Variants in ZFHX4 observed in about 807,000 individuals in gnomAD.
ZFHX4 encodes zinc finger homeobox protein 4.
In ZFHX4, 56 loss-of-function variants were observed where a neutral mutation model predicts 267.6. The observed-to-expected ratio is 0.21, with a 90% confidence interval of 0.17 to 0.26. The LOEUF (loss-of-function observed/expected upper bound fraction) is 0.26, where lower values mean the gene tolerates loss of function less well. Among genes scored for constraint, ZFHX4 ranks in the 10% least tolerant of loss-of-function variants. ZFHX4 has a pLI of 1.00. For synonymous variants in ZFHX4, 1,778 were observed against 1,665.6 expected (o/e 1.07, Z -1.64); for missense variants, 4,332 against 4,420.0 (o/e 0.98, Z 0.56).
intron 4 of ZFHX4, among the ~76,000 whole-genome samples, chr8:76,814,654 A>G (rs2131850969): frequency 6.6e-6 from 1 of 152,280 alleles, no homozygotes; most frequent in East Asian, 1.9e-4. Context: ...TCTCTTTGGC[A>G]TTACTGTGTT....
At chr8:76,776,746 A>T (rs1271053813) in intron 3 of ZFHX4, among the ~76,000 whole-genome samples, 5 of 152,148 alleles carry the variant, frequency 3.3e-5, no homozygotes, top group African/African-American at 1.2e-4. Context: ...CTTTTACAAA[A>T]ATTTTGAGAA....
At chr8:76,699,022 C>G (rs932117940) in intron 1 of ZFHX4, among the ~76,000 whole-genome samples, 1 of 152,126 alleles carries the variant, frequency 6.6e-6, no homozygotes, top group African/African-American at 2.4e-5. Flanking sequence ...GTATAATTGT[C>G]TGGACATAGA....
rs964344142 is a variant in ZFHX4 at position 76,706,325 on chromosome 8, C to A, written c.2237C>A (p.Pro746His). 6.2e-7 allele frequency: 1 copy of A among 1,614,106 alleles called. No homozygotes were observed. The highest frequency in any genetic ancestry group is 8.5e-7 in the Non-Finnish European group (1 of 1,180,004). Residue 746 changes from proline to histidine, a missense_variant, in exon 2 of 11, where the codon CCC becomes CAC. Pro to His is a moderately conservative substitution (Grantham distance 77, BLOSUM62 -2). Coordinates refer to ENST00000651372, the MANE Select transcript of ZFHX4 (RefSeq NM_024721.5). ...EQVFGHSAPA[P>H]NTSLSGCGTP... ...GTGTTTGGCCACTCTGCCCCAGCCC[C>A]CAACACCAGCCTCAGTGGCTGCGGA...
chr8:76,711,638 G>A (rs547913653), intron 3 of ZFHX4, among the ~76,000 whole-genome samples: 3 of 152,168 alleles, frequency 2.0e-5, no homozygotes, highest in Non-Finnish European at 2.9e-5. Context: ...ATGGATTAAC[G>A]AATCAACTAA....
At chr8:76,733,004 C>T (rs1809063208) in intron 3 of ZFHX4, among the ~76,000 whole-genome samples, 1 of 152,164 alleles carries the variant, frequency 6.6e-6, no homozygotes, top group South Asian at 2.1e-4. Flanking sequence ...GACAGAGACT[C>T]ATCCAGCCTG....
chr8:76,864,229 G>A lies in ZFHX4; in HGVS notation c.10515G>A (p.Ser3505=), dbSNP rs995552891. ...CSPNPNTTST[S]QSAASSNNTY... ...CTAATCCTAACACCACATCTACCTCGCAGTCTGCAGCTTCTTCTAATAACA... is the reference window on the plus strand; with the variant it reads ...CTAATCCTAACACCACATCTACCTCACAGTCTGCAGCTTCTTCTAATAACA... Residue 3505 remains serine (S), a synonymous_variant, in exon 11 of 11, where the codon TCG becomes TCA. Transcript: ENST00000651372. 2.1e-5 allele frequency: 34 copies of A among 1,613,704 alleles called. 1 individual carries two copies. The Admixed American group carries it at 2.5e-4, about 12-fold the overall frequency.
chr8:76,723,823 G>A (rs1808785647), intron 3 of ZFHX4, among the ~76,000 whole-genome samples: 1 of 151,998 alleles, frequency 6.6e-6, no homozygotes, highest in Non-Finnish European at 1.5e-5. Flanking sequence ...AGTACCTTCG[G>A]ATTTGTGTAC....
intron 4 of ZFHX4, among the ~76,000 whole-genome samples, chr8:76,816,421 A>G (rs1811507417): frequency 6.6e-6 from 1 of 152,008 alleles, no homozygotes; most frequent in African/African-American, 2.4e-5. Context: ...TATTACCTGC[A>G]TATCACTTCT....
At chr8:76,756,041 AG>A (rs144904866) in intron 3 of ZFHX4, among the ~76,000 whole-genome samples, 2,579 of 152,242 alleles carry the variant, frequency 0.017, 77 homozygotes, top group African/African-American at 0.057. Context: ...GATGTGTCAA[AG>A]TCAAGTCCTT....
intron 1 of ZFHX4, among the ~76,000 whole-genome samples, chr8:76,682,160 C>T (rs1807551024): frequency 6.6e-6 from 1 of 152,146 alleles, no homozygotes; most frequent in South Asian, 2.1e-4. Flanking sequence ...GTCCTCCGCA[C>T]TCATCCTCTG....
chr8:76,866,833 C>T lies in ZFHX4; in HGVS notation c.*2268C>T, dbSNP rs909503176. 1.3e-5 allele frequency: 2 copies of T among 151,950 alleles called. No homozygotes were observed. The highest frequency in any genetic ancestry group is 2.4e-5 in the African/African-American group (1 of 41,198). The allele number at this position is 151,950 out of a possible 1,614,324, so 9.4% of individuals were successfully genotyped here. On this transcript the variant is annotated 3_prime_UTR_variant, in exon 11 of 11. Coordinates refer to ENST00000651372, the MANE Select transcript of ZFHX4 (RefSeq NM_024721.5). ...AGAAAAAAAACTTTAACTGGATGGA[C>T]GTTGTTAGGGTGAGAAATAAAAGGA...
intron 3 of ZFHX4, among the ~76,000 whole-genome samples, chr8:76,744,228 C>A (rs886696896): frequency 6.6e-6 from 1 of 151,914 alleles, no homozygotes; most frequent in Non-Finnish European, 1.5e-5. Context: ...TGCTTGTAGT[C>A]CCAGCTACTC....
At chr8:76,836,325 A>T (rs1812092158) in intron 5 of ZFHX4, among the ~76,000 whole-genome samples, 4 of 152,204 alleles carry the variant, frequency 2.6e-5, no homozygotes, top group Admixed American at 2.6e-4. Context: ...CTGAGCCCCA[A>T]CCCAGACCTA....
intron 3 of ZFHX4, among the ~76,000 whole-genome samples, chr8:76,763,231 C>T (rs1483061585): frequency 3.0e-5 from 4 of 134,332 alleles, no homozygotes; most frequent in South Asian, 2.2e-4. Flanking sequence ...GGGCTGTTCC[C>T]GTCTGATAGC....
chr8:76,809,908 G>A (rs918231531), intron 4 of ZFHX4, among the ~76,000 whole-genome samples: 1 of 152,076 alleles, frequency 6.6e-6, no homozygotes, highest in African/African-American at 2.4e-5. Flanking sequence ...AAAAAATACA[G>A]CATAATTATA....
intron 3 of ZFHX4, among the ~76,000 whole-genome samples, chr8:76,747,304 CA>C (rs1809484260): frequency 6.6e-6 from 1 of 151,968 alleles, no homozygotes; most frequent in Non-Finnish European, 1.5e-5. Context: ...TCAGGGGGTA[CA>C]TGTACAGGTT....
intron 4 of ZFHX4, among the ~76,000 whole-genome samples, chr8:76,828,139 A>T (rs1244790012): frequency 6.6e-6 from 1 of 152,236 alleles, no homozygotes; most frequent in Non-Finnish European, 1.5e-5. Flanking sequence ...GACTTTTGCA[A>T]TGCCAAGACA....
chr8:76,788,408 A>T (rs528796666), intron 4 of ZFHX4, among the ~76,000 whole-genome samples: 1 of 152,214 alleles, frequency 6.6e-6, no homozygotes, highest in East Asian at 1.9e-4. Flanking sequence ...AGAACTTAGC[A>T]TTCAGTTACA....
chr8:76,759,238 C>T (rs969301619), intron 3 of ZFHX4, among the ~76,000 whole-genome samples: 1 of 152,224 alleles, frequency 6.6e-6, no homozygotes, highest in African/African-American at 2.4e-5. Context: ...AAATGTTAAA[C>T]TAGGTAACAC....
Sources: allele counts gnomAD v4.1 joint callset (sites outside exome capture counted in the v4.1 genomes callset), GRCh38; gene constraint gnomAD v4.1.1; transcripts MANE v1.5; gene names NCBI Gene and HGNC (gene_info 2026-07-23, HGNC 2026-07-21).